ATL1: variants seen among roughly 807,000 people sequenced by gnomAD.
ATL1 encodes atlastin-1.
A neutral mutation model predicts 75.5 loss-of-function variants in ATL1; 31 were observed. That is an observed-to-expected ratio of 0.41 (90% CI 0.31 to 0.55). ATL1 has a LOEUF of 0.55. ATL1 is among the 20% of genes least tolerant of loss of function. The pLI is 0.27. For missense variants in ATL1, 405 were observed against 662.6 expected (o/e 0.61, Z 4.27); for synonymous variants, 226 against 233.3 (o/e 0.97, Z 0.28).
upstream of ATL1, among the ~76,000 whole-genome samples, chr14:50,555,335 G>T (rs1315294466): frequency 6.6e-6 from 1 of 152,226 alleles, no homozygotes; most frequent in African/African-American, 2.4e-5. Flanking sequence ...AGGCTGGAGT[G>T]CAGTGGCGTG....
At chr14:50,584,123 C>A (rs1414860866) in intron 1 of ATL1, among the ~76,000 whole-genome samples, 1 of 152,168 alleles carries the variant, frequency 6.6e-6, no homozygotes, top group African/African-American at 2.4e-5. Flanking sequence ...CCCTGTAATG[C>A]CAGCACTTTG....
intron 1 of ATL1, among the ~76,000 whole-genome samples, chr14:50,564,823 T>C (rs965863523): frequency 6.6e-6 from 1 of 152,148 alleles, no homozygotes; most frequent in African/African-American, 2.4e-5. Context: ...TTTTTAGGTT[T>C]CTGGTTTTGA....
chr14:50,561,801 C>A, intron 1 of ATL1, among the ~76,000 whole-genome samples: 1 of 152,150 alleles, frequency 6.6e-6, no homozygotes, highest in East Asian at 1.9e-4. Context: ...TTATTTCCTT[C>A]TTCTGAAATT....
intron 6 of ATL1, among the ~76,000 whole-genome samples, chr14:50,598,421 C>T (rs1392746875): frequency 6.6e-6 from 1 of 151,746 alleles, no homozygotes; most frequent in African/African-American, 2.4e-5. Flanking sequence ...CATGCAATGT[C>T]ATGATCTCGG....
At chr14:50,620,408 G>A (rs906313835) in intron 8 of ATL1, among the ~76,000 whole-genome samples, 191 bp from the exon 9 acceptor site, 3 of 152,150 alleles carry the variant, frequency 2.0e-5, no homozygotes, top group African/African-American at 7.2e-5. Context: ...TGAAACGGGA[G>A]TGGAAATTTG....
At chr14:50,554,919 T>C (rs1291276660) in intron 1 of ATL1, among the ~76,000 whole-genome samples, 2 of 152,192 alleles carry the variant, frequency 1.3e-5, no homozygotes, top group South Asian at 2.1e-4. Context: ...ACATGGAAGA[T>C]GGTAGAGTGC....
At chr14:50,567,521 T>C (rs988222120) in intron 1 of ATL1, among the ~76,000 whole-genome samples, 6 of 152,244 alleles carry the variant, frequency 3.9e-5, no homozygotes, top group Admixed American at 1.3e-4. Context: ...CTATTTTTAA[T>C]GTTTTAAGGA....
chr14:50,601,513 AC>A (rs1349942091), intron 6 of ATL1, among the ~76,000 whole-genome samples: 1 of 152,172 alleles, frequency 6.6e-6, no homozygotes, highest in African/African-American at 2.4e-5. Context: ...AAATACTTTT[AC>A]CATGGCCAAT....
At chr14:50,598,604 C>G (rs995881321) in intron 6 of ATL1, among the ~76,000 whole-genome samples, 2 of 152,150 alleles carry the variant, frequency 1.3e-5, no homozygotes, top group Admixed American at 6.5e-5. Flanking sequence ...CTCAGGTTAT[C>G]TGCCCGCCTC....
chr14:50,593,308 T>C (rs2039181120), intron 4 of ATL1, among the ~76,000 whole-genome samples: 3 of 152,148 alleles, frequency 2.0e-5, no homozygotes, highest in Non-Finnish European at 2.9e-5. Context: ...TATATAAGCC[T>C]CCTTAACTTT....
intron 1 of ATL1, among the ~76,000 whole-genome samples, chr14:50,580,911 T>G (rs374446475): frequency 6.6e-6 from 1 of 152,056 alleles, no homozygotes; most frequent in African/African-American, 2.4e-5. Flanking sequence ...ATTTGTCTTA[T>G]GTGGTTTTTT....
In ATL1 at chr14:50,620,641, C is replaced by T. The variant is rs1316313584; in HGVS notation, c.905C>T (p.Pro302Leu). 6.2e-7 allele frequency: 1 copy of T among 1,613,420 alleles called. No individual in the cohort carries two copies. Among genetic ancestry groups the T allele is most frequent in the Admixed American group, 1.7e-5 (1 of 59,996 alleles). Residue 302 changes from proline to leucine, a missense_variant, in exon 9 of 14, where the codon CCT becomes CTT. By Grantham distance (98) the Pro-to-Leu change is moderately conservative. Transcript: ENST00000358385. Reference sequence around the variant, plus strand: ...ATCAAAAACTTGAAAATACTGATTCCTTGGCTACTTAGTCCCGAGAGCCTA... The same window carrying T: ...ATCAAAAACTTGAAAATACTGATTCTTTGGCTACTTAGTCCCGAGAGCCTA... Reference protein sequence around the residue: ...EFIKNLKILIPWLLSPESLDI... With the variant: ...EFIKNLKILILWLLSPESLDI...
rs114347141 is a variant in ATL1 at position 50,613,772 on chromosome 14, A to G, written c.723+421A>G. Among the ~76,000 whole-genome samples the G allele has an allele frequency of 4.7e-3, 714 of 152,302 alleles. 6 individuals carry two copies. Among genetic ancestry groups the G allele is most frequent in the African/African-American group, 0.017 (689 of 41,564 alleles). ...CACCAAAAGTGCCTACTGGGAAATCAGGGGAGAAAGATCAAAATTTACAAA... is the reference window on the plus strand; with the variant it reads ...CACCAAAAGTGCCTACTGGGAAATCGGGGGAGAAAGATCAAAATTTACAAA... On this transcript the variant is annotated intron_variant, in intron 7 of 13. Coordinates refer to ENST00000358385, the MANE Select transcript of ATL1 (RefSeq NM_015915.5).
At chr14:50,616,390 G>C (rs978256758) in intron 8 of ATL1, among the ~76,000 whole-genome samples, 9 of 152,040 alleles carry the variant, frequency 5.9e-5, no homozygotes, top group Non-Finnish European at 1.2e-4. Flanking sequence ...TTGAACTATT[G>C]AGCTCACACA....
chr14:50,590,719 T>C (rs1199059514), intron 2 of ATL1, among the ~76,000 whole-genome samples: 1 of 152,182 alleles, frequency 6.6e-6, no homozygotes, highest in Non-Finnish European at 1.5e-5. Context: ...TGCAATGATA[T>C]CTTTTCATTT....
intron 1 of ATL1, among the ~76,000 whole-genome samples, chr14:50,533,585 C>T (rs1384955089): frequency 1.3e-5 from 2 of 152,064 alleles, no homozygotes; most frequent in African/African-American, 2.4e-5. Context: ...GCCAGTGTTA[C>T]ATTATACTGG....
In ATL1 at chr14:50,593,707, T is replaced by TCTTACAAATATCATG. The variant is rs1278871624; in HGVS notation, c.523-138_523-124dup. 3.6e-5 allele frequency: 22 copies of TCTTACAAATATCATG among 603,558 alleles called. No individual in the cohort carries two copies. The African/African-American group carries it at 3.9e-4, about 11-fold the overall frequency. The allele number at this position is 603,558 out of a possible 1,614,324, so 37.4% of individuals were successfully genotyped here. A position where few individuals can be genotyped will look rare whatever the true frequency, so the allele number is the denominator to read the frequency against. ...AGCTTATTTTACTTCTCTCTCAAGG[T>TCTTACAAATATCATG]CTTACAAATATCATGTAAGCATGTA... is the stretch of plus-strand genomic sequence containing the variant. On this transcript the variant is annotated intron_variant, in intron 4 of 13. Transcript: ENST00000358385.
At chr14:50,591,850 T>G (rs1187688521) in intron 4 of ATL1, 2 of 526,922 alleles carry the variant, frequency 3.8e-6, no homozygotes, top group Non-Finnish European at 6.8e-6. Flanking sequence ...TCAAATTGAC[T>G]GCTTTGGTTA....
chr14:50,583,758 C>T (rs2039077204), intron 1 of ATL1, among the ~76,000 whole-genome samples: 1 of 152,158 alleles, frequency 6.6e-6, no homozygotes, highest in Non-Finnish European at 1.5e-5. Flanking sequence ...ATAGGAGGTG[C>T]TTGCCATATT....
Sources: allele counts gnomAD v4.1 joint callset (sites outside exome capture counted in the v4.1 genomes callset), GRCh38; gene constraint gnomAD v4.1.1; transcripts MANE v1.5; gene names NCBI Gene and HGNC (gene_info 2026-07-23, HGNC 2026-07-21).